SERPINI1: variants seen among roughly 807,000 people sequenced by gnomAD.
SERPINI1 encodes the protein neuroserpin.
In SERPINI1, 19 loss-of-function variants were observed where a neutral mutation model predicts 41.1. That is an observed-to-expected ratio of 0.46 (90% CI 0.32 to 0.68). SERPINI1 has a LOEUF of 0.68. Ranked by LOEUF, SERPINI1 falls within the 30% of genes least tolerant of loss-of-function variation. The pLI, the probability that SERPINI1 is intolerant of heterozygous loss-of-function variation, is 0.03. For missense variants in SERPINI1, 460 were observed against 479.2 expected, an observed-to-expected ratio of 0.96 and a Z score of 0.37; for synonymous variants, 138 against 156.6, an observed-to-expected ratio of 0.88 and a Z score of 0.89.
intron 5 of SERPINI1, among the ~76,000 whole-genome samples, chr3:167,806,692 T>C (rs1711656793): frequency 1.3e-5 from 2 of 152,158 alleles, no homozygotes; most frequent in African/African-American, 4.8e-5. Flanking sequence ...AAATGCTAAA[T>C]GTATTTATTG....
intron 1 of SERPINI1, among the ~76,000 whole-genome samples, chr3:167,737,224 T>C (rs1304708109): frequency 6.6e-6 from 1 of 152,126 alleles, no homozygotes; most frequent in Non-Finnish European, 1.5e-5. Context: ...CTTTTCAGTG[T>C]GTATACTCTT....
intron 4 of SERPINI1, among the ~76,000 whole-genome samples, chr3:167,793,596 A>ATATATATATGTTTTTT: frequency 7.1e-6 from 1 of 140,610 alleles, no homozygotes; most frequent in African/African-American, 2.7e-5. Flanking sequence ...ATATATATAT[A>ATATATATATGTTTTTT]TTTTTAATTA....
intron 1 of SERPINI1, among the ~76,000 whole-genome samples, chr3:167,745,476 G>A (rs932868726): frequency 7.9e-5 from 12 of 152,026 alleles, no homozygotes; most frequent in African/African-American, 2.9e-4. Context: ...ATTTGGTAGT[G>A]AAAGTCTGAA....
intron 1 of SERPINI1, among the ~76,000 whole-genome samples, chr3:167,778,568 A>G (rs1560004711): frequency 6.6e-6 from 1 of 152,224 alleles, no homozygotes; most frequent in Non-Finnish European, 1.5e-5. Context: ...GGGTGGCATC[A>G]GTTGGTCCAC....
chr3:167,823,113 A>AT lies in SERPINI1; in HGVS notation c.1066+46dup, dbSNP rs752651471. On this transcript the variant is annotated intron_variant, in intron 7 of 8. Coordinates refer to ENST00000446050, the MANE Select transcript of SERPINI1 (RefSeq NM_001122752.2). The stretch of plus-strand genomic sequence containing the variant: ...ATCTTCTCCCCTCTTCTAGATTTGT[A>AT]TTTTTAGAGCAATCTTGAGTGGGGA... 3.7e-6 allele frequency: 5 copies of AT among 1,343,114 alleles called. No individual in the cohort carries two copies. In the East Asian group the frequency reaches 9.2e-5, roughly 25 times the overall value. The allele number at this position is 1,343,114 out of a possible 1,614,324, so 83.2% of individuals were successfully genotyped here. A position where few individuals can be genotyped will look rare whatever the true frequency, so the allele number is the denominator to read the frequency against.
intron 1 of SERPINI1, among the ~76,000 whole-genome samples, chr3:167,745,836 A>G (rs1026501100): frequency 1.3e-5 from 2 of 152,170 alleles, no homozygotes; most frequent in African/African-American, 4.8e-5. Flanking sequence ...AATACCAAGG[A>G]ATGAATTTAA....
chr3:167,797,595 A>G (rs1422098924), intron 5 of SERPINI1, among the ~76,000 whole-genome samples: 5 of 152,116 alleles, frequency 3.3e-5, no homozygotes, highest in Admixed American at 2.6e-4. Context: ...TCTTGTCTAT[A>G]TACAAAAGTC....
At chr3:167,749,817 A>G (rs995952632) in intron 1 of SERPINI1, among the ~76,000 whole-genome samples, 4 of 152,200 alleles carry the variant, frequency 2.6e-5, no homozygotes, top group Non-Finnish European at 5.9e-5. Context: ...ACAGTGACTC[A>G]ATATAAACAA....
intron 1 of SERPINI1, among the ~76,000 whole-genome samples, chr3:167,737,784 A>G (rs1268349632): frequency 6.6e-6 from 1 of 152,132 alleles, no homozygotes; most frequent in East Asian, 1.9e-4. Context: ...TGAAATTAAG[A>G]TATACTTTGA....
chr3:167,766,915 T>C (rs1227590740), intron 1 of SERPINI1, among the ~76,000 whole-genome samples: 2 of 152,158 alleles, frequency 1.3e-5, no homozygotes, highest in Non-Finnish European at 2.9e-5. Flanking sequence ...CATAAAAGCG[T>C]ATGGAGAAGC....
chr3:167,776,651 C>T (rs1003865027), intron 1 of SERPINI1, among the ~76,000 whole-genome samples: 2 of 152,192 alleles, frequency 1.3e-5, no homozygotes, highest in African/African-American at 4.8e-5. Context: ...TCTGTTTAGC[C>T]TACTTCTAGC....
chr3:167,786,895 G>A (rs1332728446), intron 1 of SERPINI1, among the ~76,000 whole-genome samples: 3 of 152,110 alleles, frequency 2.0e-5, no homozygotes, highest in Non-Finnish European at 2.9e-5. Flanking sequence ...CTTACCCAAA[G>A]AACTTCTACC....
In SERPINI1 at chr3:167,790,370, A is replaced by G; in HGVS notation, c.251-2A>G. 2 of 1,588,584 alleles carry G rather than the reference A, an allele frequency of 1.3e-6. No individual in the cohort carries two copies. Among genetic ancestry groups the G allele is most frequent in the Non-Finnish European group, 1.7e-6 (2 of 1,156,914 alleles). On this transcript the variant is annotated splice_acceptor_variant, in intron 2 of 8. Coordinates refer to ENST00000446050, the MANE Select transcript of SERPINI1 (RefSeq NM_001122752.2). LOFTEE classifies it high-confidence loss of function. The stretch of plus-strand genomic sequence containing the variant: ...ATAAACTTATCCTTTCTCATCTTTC[A>G]GGTGAAGAATTTTCTTTCTTGAAGG...
chr3:167,781,755 T>G (rs1727133886), intron 1 of SERPINI1, among the ~76,000 whole-genome samples: 1 of 151,618 alleles, frequency 6.6e-6, no homozygotes, highest in South Asian at 2.1e-4. Flanking sequence ...TTTTTTATAA[T>G]TTTAAAATAA....
intron 1 of SERPINI1, among the ~76,000 whole-genome samples, chr3:167,779,167 A>G (rs1359182721): frequency 2.0e-5 from 3 of 152,250 alleles, no homozygotes; most frequent in Non-Finnish European, 4.4e-5. Flanking sequence ...TTATTCTATG[A>G]AAACACATAT....
At chr3:167,816,253 G>A (rs767150849) in intron 6 of SERPINI1, among the ~76,000 whole-genome samples, 11 of 151,746 alleles carry the variant, frequency 7.2e-5, no homozygotes, top group Non-Finnish European at 1.5e-4. Flanking sequence ...GCTGGTATCC[G>A]ACTCCTGGGC....
chr3:167,782,255 T>G (rs1394599332), intron 1 of SERPINI1, among the ~76,000 whole-genome samples: 1 of 152,210 alleles, frequency 6.6e-6, no homozygotes, highest in East Asian at 1.9e-4. Context: ...GTTAATATTG[T>G]AATATTTTGG....
chr3:167,770,273 G>A (rs6776218), intron 1 of SERPINI1, among the ~76,000 whole-genome samples: 20,093 of 151,724 alleles, frequency 0.13, 1,670 homozygotes, highest in African/African-American at 0.23. Context: ...TACTTTTAAA[G>A]TCTGATCTCT....
intron 1 of SERPINI1, among the ~76,000 whole-genome samples, chr3:167,767,281 G>T (rs1310222051): frequency 2.6e-5 from 4 of 152,128 alleles, no homozygotes; most frequent in Non-Finnish European, 5.9e-5. Context: ...CATCTGTTTT[G>T]CAGCATGACT....
Sources: allele counts gnomAD v4.1 joint callset (sites outside exome capture counted in the v4.1 genomes callset), GRCh38; gene constraint gnomAD v4.1.1; transcripts MANE v1.5; gene names NCBI Gene and HGNC (gene_info 2026-07-23, HGNC 2026-07-21).